EYA4: variants seen among roughly 807,000 people sequenced by gnomAD.
EYA4 encodes protein phosphatase EYA4.
EYA4 carries 31 observed loss-of-function variants against 87.9 expected under a neutral mutation model. That is an observed-to-expected ratio of 0.35 (90% CI 0.27 to 0.48). The LOEUF (loss-of-function observed/expected upper bound fraction) is 0.48. Ranked by LOEUF, EYA4 falls within the 20% of genes least tolerant of loss-of-function variation. The pLI is 0.99. For missense variants in EYA4, 678 were observed against 761.4 expected (o/e 0.89, Z 1.29); for synonymous variants, 263 against 270.6 (o/e 0.97, Z 0.28).
rs370091494 is a variant in EYA4 at position 133,461,194 on chromosome 6, A to G, written c.437+14A>G. 1.3e-6 allele frequency: 2 copies of G among 1,594,994 alleles called. No homozygotes were observed. Among genetic ancestry groups the G allele is most frequent in the Non-Finnish European group, 1.7e-6 (2 of 1,162,692 alleles). The stretch of plus-strand genomic sequence containing the variant: ...GTATCCTTCCAAGTAAGTGGTCAGT[A>G]GATTCTTGCTTTAAATTGGCAAACA... On this transcript the variant is annotated intron_variant, in intron 7 of 19. Coordinates refer to ENST00000355286, the MANE Select transcript of EYA4 (RefSeq NM_004100.5).
intron 14 of EYA4, chr6:133,507,398 T>C (rs1179588519): frequency 6.6e-6 from 1 of 151,872 alleles, no homozygotes; most frequent in Non-Finnish European, 1.5e-5. Context: ...TTTAATGCTC[T>C]AAGTTCTGGA....
At chr6:133,388,166 G>A (rs1786919078) in intron 3 of EYA4, among the ~76,000 whole-genome samples, 1 of 152,064 alleles carries the variant, frequency 6.6e-6, no homozygotes, top group African/African-American at 2.4e-5. Context: ...CAGCACTTTG[G>A]GAGGCTGAGG....
intron 8 of EYA4, 68 bp from the exon 9 acceptor site, chr6:133,462,553 T>C: frequency 6.2e-7 from 1 of 1,612,346 alleles, no homozygotes; most frequent in Non-Finnish European, 8.5e-7. Context: ...TATTCTATTG[T>C]AGGTTACAAC....
chr6:133,506,249 G>C, intron 14 of EYA4, 54 bp downstream of exon 14: 5 of 973,670 alleles, frequency 5.1e-6, no homozygotes, highest in Non-Finnish European at 8.3e-6. Context: ...CCTCCTAGAT[G>C]GTTTCTGTAT....
intron 17 of EYA4, among the ~76,000 whole-genome samples, chr6:133,522,404 A>T (rs1240067512): frequency 6.6e-6 from 1 of 151,866 alleles, no homozygotes; most frequent in Non-Finnish European, 1.5e-5. Context: ...GGGAGAGGGG[A>T]ATAATAGTTA....
intron 1 of EYA4, among the ~76,000 whole-genome samples, chr6:133,263,509 G>A (rs1407207866): frequency 6.6e-6 from 1 of 152,180 alleles, no homozygotes; most frequent in African/African-American, 2.4e-5. Context: ...CACTGAAGGA[G>A]GACTAGCCTG....
Position 133,354,183 on chromosome 6 carries a change from A to G in EYA4, c.34-28209A>G, listed in dbSNP as rs899837425. ...TGTGGTATTAAGAACAAGGTTATAT[A>G]TGCTCTAGAAATCCTTATTTACAGC... On this transcript the variant is annotated intron_variant, in intron 2 of 19. Transcript: ENST00000355286. Among the ~76,000 whole-genome samples the G allele has an allele frequency of 2.6e-5, 4 of 152,192 alleles. No homozygotes were observed. In the East Asian group the frequency reaches 5.8e-4, roughly 22 times the overall value.
chr6:133,384,293 T>G (rs1359164223), intron 3 of EYA4, among the ~76,000 whole-genome samples: 1 of 152,128 alleles, frequency 6.6e-6, no homozygotes. Flanking sequence ...CTTAAAAATA[T>G]AATTTTATTT....
chr6:133,267,361 C>G (rs1045292545), intron 1 of EYA4, among the ~76,000 whole-genome samples: 2 of 151,808 alleles, frequency 1.3e-5, no homozygotes, highest in Non-Finnish European at 2.9e-5. Flanking sequence ...TCATCTAATT[C>G]ACAATCAACA....
At position 133,346,014 on chromosome 6, in the gene EYA4, C is replaced by T. The variant is rs552043813; in HGVS notation, c.34-36378C>T. Among the ~76,000 whole-genome samples the T allele has an allele frequency of 6.6e-5, 10 of 152,270 alleles. No homozygotes were observed. In the East Asian group the frequency reaches 1.5e-3, roughly 24 times the overall value. On this transcript the variant is annotated intron_variant, in intron 2 of 19. Coordinates refer to ENST00000355286, the MANE Select transcript of EYA4 (RefSeq NM_004100.5). ...TCATGAAAGTCTACACTCCAGGAGG[C>T]GATAGACACTTGACTTGCTCACTCC...
At chr6:133,252,037 A>G (rs749204677) in intron 1 of EYA4, among the ~76,000 whole-genome samples, 1 of 152,212 alleles carries the variant, frequency 6.6e-6, no homozygotes, top group Non-Finnish European at 1.5e-5. Context: ...GAAATAATAT[A>G]TGAGTGGGAG....
intron 2 of EYA4, among the ~76,000 whole-genome samples, chr6:133,329,762 C>A (rs1781776596): frequency 6.6e-6 from 1 of 152,042 alleles, no homozygotes; most frequent in Admixed American, 6.6e-5. Flanking sequence ...TTGACATCTG[C>A]TGTTGTAGTA....
At chr6:133,337,196 G>A (rs535191878) in intron 2 of EYA4, among the ~76,000 whole-genome samples, 2 of 152,292 alleles carry the variant, frequency 1.3e-5, no homozygotes, top group East Asian at 3.9e-4. Context: ...GAGTCTTTGT[G>A]CTTGATTTAA....
chr6:133,292,327 C>T (rs530208532), intron 2 of EYA4, among the ~76,000 whole-genome samples: 9 of 152,104 alleles, frequency 5.9e-5, no homozygotes, highest in Admixed American at 1.3e-4. Flanking sequence ...ACACCAATTG[C>T]GTCTGGTTTA....
chr6:133,425,124 G>A (rs1166602235), intron 3 of EYA4, among the ~76,000 whole-genome samples: 1 of 150,818 alleles, frequency 6.6e-6, no homozygotes, highest in African/African-American at 2.5e-5. Context: ...GGACATTTGT[G>A]TTATTTCCAG....
intron 7 of EYA4, chr6:133,462,067 C>G (rs1425746366): frequency 2.2e-6 from 1 of 463,022 alleles, no homozygotes; most frequent in Non-Finnish European, 4.0e-6. Context: ...GGAAGAGACA[C>G]AGGTGTAAAA....
intron 3 of EYA4, among the ~76,000 whole-genome samples, chr6:133,436,212 TC>T (rs1335330258): frequency 6.8e-6 from 1 of 148,030 alleles, no homozygotes; most frequent in Non-Finnish European, 1.5e-5. Flanking sequence ...AGAGCAAGAC[TC>T]CGTCTTGAGG....
intron 3 of EYA4, among the ~76,000 whole-genome samples, chr6:133,412,168 G>A (rs1167054661): frequency 1.3e-5 from 2 of 152,184 alleles, no homozygotes; most frequent in Non-Finnish European, 2.9e-5. Context: ...TGCAAAACCA[G>A]TTTAGACAAA....
At chr6:133,266,932 A>G (rs571443026) in intron 1 of EYA4, among the ~76,000 whole-genome samples, 16 of 152,308 alleles carry the variant, frequency 1.1e-4, no homozygotes, top group Admixed American at 2.6e-4. Flanking sequence ...TTCAATCAAT[A>G]TTTATTAAAT....
Sources: allele counts gnomAD v4.1 joint callset (sites outside exome capture counted in the v4.1 genomes callset), GRCh38; gene constraint gnomAD v4.1.1; transcripts MANE v1.5; gene names NCBI Gene and HGNC (gene_info 2026-07-23, HGNC 2026-07-21).